ANKIB1: variants seen among roughly 807,000 people sequenced by gnomAD.
The protein encoded by ANKIB1 is ankyrin repeat and IBR domain-containing protein 1.
ANKIB1 carries 43 observed loss-of-function variants against 122.1 expected under a neutral mutation model. That is an observed-to-expected ratio of 0.35 (90% CI 0.28 to 0.45). The LOEUF is 0.45. Among genes scored for constraint, ANKIB1 ranks in the 20% least tolerant of loss-of-function variants. ANKIB1 has a pLI of 1.00. For missense variants in ANKIB1, 992 were observed against 1,329.5 expected (o/e 0.75, Z 3.95); for synonymous variants, 390 against 442.0 (o/e 0.88, Z 1.48).
chr7:92,294,875 T>A lies in ANKIB1; in HGVS notation c.-90-14T>A. 1.3e-6 allele frequency: 1 copy of A among 771,630 alleles called. No individual in the cohort carries two copies. Among genetic ancestry groups the A allele is most frequent in the Middle Eastern group, 2.4e-4 (1 of 4,174 alleles). The allele number at this position is 771,630 out of a possible 1,614,324, so 47.8% of individuals were successfully genotyped here. Reference sequence around the variant, plus strand: ...TGTTTTACAATCTAATTTGAATAACTTTTCCTTCATTAGAATGTGAAAGAT... The same window carrying A: ...TGTTTTACAATCTAATTTGAATAACATTTCCTTCATTAGAATGTGAAAGAT... On this transcript the variant is annotated splice_polypyrimidine_tract_variant and intron_variant, in intron 1 of 19. Coordinates refer to ENST00000265742, the MANE Select transcript of ANKIB1 (RefSeq NM_019004.2).
intron 11 of ANKIB1, among the ~76,000 whole-genome samples, chr7:92,383,978 A>G (rs1276808978): frequency 6.6e-6 from 1 of 152,222 alleles, no homozygotes; most frequent in African/African-American, 2.4e-5. Context: ...ATGATTGTAT[A>G]TTTAGAAAAC....
intron 1 of ANKIB1, among the ~76,000 whole-genome samples, chr7:92,265,482 T>C (rs978489915): frequency 1.3e-5 from 2 of 152,134 alleles, no homozygotes; most frequent in African/African-American, 4.8e-5. Flanking sequence ...CTAAGCACGA[T>C]GTGGGAGGAA....
chr7:92,374,308 C>G lies in ANKIB1; in HGVS notation c.1617+2701C>G, dbSNP rs1804336144. The stretch of plus-strand genomic sequence containing the variant: ...CCTGGCCAACATAGTGAAGCCTCAT[C>G]TCTACTAAAAATACAAAAAATTGTC... On this transcript the variant is annotated intron_variant, in intron 11 of 19. Transcript: ENST00000265742. 2.0e-5 allele frequency among the ~76,000 whole-genome samples: 3 copies of G among 152,242 alleles called. No individual in the cohort carries two copies. In the South Asian group the frequency reaches 6.2e-4, roughly 32 times the overall value.
chr7:92,324,281 T>C (rs1240737499), intron 4 of ANKIB1, among the ~76,000 whole-genome samples: 1 of 152,230 alleles, frequency 6.6e-6, no homozygotes, highest in Non-Finnish European at 1.5e-5. Context: ...TTGCCCAGGC[T>C]GTAGCACAGT....
chr7:92,386,134 T>A (rs951402886), intron 11 of ANKIB1, among the ~76,000 whole-genome samples: 3 of 152,210 alleles, frequency 2.0e-5, no homozygotes, highest in Admixed American at 2.0e-4. Flanking sequence ...AACCAATTTG[T>A]CAATATTGCC....
At chr7:92,253,423 T>G (rs542317999) in intron 1 of ANKIB1, among the ~76,000 whole-genome samples, 1 of 152,192 alleles carries the variant, frequency 6.6e-6, no homozygotes, top group Non-Finnish European at 1.5e-5. Flanking sequence ...TATGACTCTG[T>G]GCAACTCTCT....
At chr7:92,249,103 G>T (rs939984640) in intron 1 of ANKIB1, among the ~76,000 whole-genome samples, 2 of 152,052 alleles carry the variant, frequency 1.3e-5, no homozygotes, top group African/African-American at 4.8e-5. Flanking sequence ...GGCCAGGCTG[G>T]TCTCAAACTC....
At chr7:92,319,595 T>C in intron 4 of ANKIB1, 83 bp downstream of exon 4, 2 of 1,342,470 alleles carry the variant, frequency 1.5e-6, no homozygotes, top group Non-Finnish European at 2.1e-6. Flanking sequence ...TCTTTAAAAC[T>C]CAGTTTGTGT....
chr7:92,334,275 A>G (rs935452632), intron 5 of ANKIB1, among the ~76,000 whole-genome samples: 1 of 152,168 alleles, frequency 6.6e-6, no homozygotes, highest in Non-Finnish European at 1.5e-5. Flanking sequence ...CAGTTAAATA[A>G]GTAACATATA....
intron 1 of ANKIB1, among the ~76,000 whole-genome samples, chr7:92,285,450 A>G (rs1038754751): frequency 3.3e-5 from 5 of 152,090 alleles, no homozygotes; most frequent in African/African-American, 7.2e-5. Context: ...TTAGTCTTAA[A>G]TGGAAGATAA....
intron 1 of ANKIB1, among the ~76,000 whole-genome samples, chr7:92,277,839 T>A (rs1199993713): frequency 6.6e-6 from 1 of 151,974 alleles, no homozygotes; most frequent in African/African-American, 2.4e-5. Flanking sequence ...ATCCCAGCAC[T>A]TTGGGAGGCC....
chr7:92,357,456 C>T (rs933068077), intron 9 of ANKIB1, among the ~76,000 whole-genome samples: 2 of 152,000 alleles, frequency 1.3e-5, no homozygotes, highest in Non-Finnish European at 2.9e-5. Context: ...GAATTTAGGC[C>T]GGGCTCACTG....
chr7:92,365,008 A>G (rs1004143727), intron 10 of ANKIB1, among the ~76,000 whole-genome samples: 1 of 152,218 alleles, frequency 6.6e-6, no homozygotes, highest in Admixed American at 6.5e-5. Flanking sequence ...GTGGAATTTT[A>G]TAAGTGTTCA....
At chr7:92,324,069 GAGA>G (rs1802971565) in intron 4 of ANKIB1, among the ~76,000 whole-genome samples, 1 of 152,200 alleles carries the variant, frequency 6.6e-6, no homozygotes, top group Admixed American at 6.5e-5. Flanking sequence ...GGGCAGGGAA[GAGA>G]AGGAGTGACT....
chr7:92,256,125 T>G (rs1801439490), intron 1 of ANKIB1, among the ~76,000 whole-genome samples: 1 of 152,212 alleles, frequency 6.6e-6, no homozygotes, highest in Admixed American at 6.5e-5. Context: ...GATACTTGAA[T>G]GAGTAGTAGG....
At chr7:92,392,201 A>G (rs954366149) in intron 16 of ANKIB1, 40 bp from the exon 17 acceptor site, 25 of 1,561,552 alleles carry the variant, frequency 1.6e-5, no homozygotes, top group Non-Finnish European at 2.0e-5. Flanking sequence ...ACTTTGTAGT[A>G]TTGATATTAA....
At chr7:92,317,136 TATG>T (rs1486958163) in intron 3 of ANKIB1, among the ~76,000 whole-genome samples, 1 of 152,222 alleles carries the variant, frequency 6.6e-6, no homozygotes, top group African/African-American at 2.4e-5. Context: ...CTGCTATGGA[TATG>T]ATAAGTCTCT....
intron 2 of ANKIB1, among the ~76,000 whole-genome samples, chr7:92,302,622 C>T (rs1334298083): frequency 6.6e-6 from 1 of 152,176 alleles, no homozygotes; most frequent in African/African-American, 2.4e-5. Flanking sequence ...TTCTATAAAA[C>T]AGCCTCTTTT....
At chr7:92,287,042 G>T (rs1235790171) in intron 1 of ANKIB1, among the ~76,000 whole-genome samples, 1 of 152,136 alleles carries the variant, frequency 6.6e-6, no homozygotes, top group African/African-American at 2.4e-5. Context: ...ACAGGAGCTA[G>T]AATTTTTTTC....
Sources: gnomAD v4.1 joint callset for allele counts (sites outside exome capture counted in the v4.1 genomes callset) on GRCh38, gnomAD v4.1.1 for gene constraint, MANE v1.5 for transcripts, NCBI Gene and HGNC (gene_info 2026-07-23, HGNC 2026-07-21) for gene names.